The following PFDN2 variants were observed in gnomAD, a reference collection of about 807,000 sequenced individuals.
PFDN2 encodes the protein prefoldin subunit 2.
A neutral mutation model predicts 18.3 loss-of-function variants in PFDN2; 7 were observed. That is an observed-to-expected ratio of 0.38 (90% CI 0.22 to 0.72). The LOEUF (loss-of-function observed/expected upper bound fraction) is 0.72, where lower values mean the gene tolerates loss of function less well. PFDN2 is among the 30% of genes least tolerant of loss of function. The pLI, the probability that PFDN2 is intolerant of heterozygous loss-of-function variation, is 0.47. For missense variants in PFDN2, 181 were observed against 199.1 expected (o/e 0.91, Z 0.55); for synonymous variants, 76 against 75.0 (o/e 1.01, Z -0.07).
intron 1 of PFDN2, among the ~76,000 whole-genome samples, chr1:161,107,894 A>T (rs1654716445): frequency 6.6e-6 from 1 of 151,362 alleles, no homozygotes; most frequent in Admixed American, 6.6e-5. Flanking sequence ...CGGGCGGATC[A>T]CCTGAGGTCA....
At chr1:161,104,447 C>CTTT (rs550881339) in intron 1 of PFDN2, among the ~76,000 whole-genome samples, 1 of 137,796 alleles carries the variant, frequency 7.3e-6, no homozygotes. Flanking sequence ...TTTTCTTTTT[C>CTTT]TTTTTTTTTT....
intron 1 of PFDN2, among the ~76,000 whole-genome samples, chr1:161,117,561 C>T (rs1267518196): frequency 6.6e-6 from 1 of 152,154 alleles, no homozygotes; most frequent in Non-Finnish European, 1.5e-5. Flanking sequence ...TTCAGGATCA[C>T]GTAACAGACT....
chr1:161,116,445 C>G (rs1013445096), intron 1 of PFDN2, among the ~76,000 whole-genome samples: 3 of 150,222 alleles, frequency 2.0e-5, no homozygotes, highest in Non-Finnish European at 4.4e-5. Context: ...ACCTGGGAGG[C>G]AGAGGTTGCA....
chr1:161,115,969 T>C (rs1450054382), intron 1 of PFDN2, among the ~76,000 whole-genome samples: 4 of 152,134 alleles, frequency 2.6e-5, no homozygotes, highest in Non-Finnish European at 5.9e-5. Context: ...ACACCTGCAA[T>C]CCCAACACTT....
chr1:161,110,732 A>C (rs2101705175), intron 1 of PFDN2, among the ~76,000 whole-genome samples: 1 of 152,166 alleles, frequency 6.6e-6, no homozygotes, highest in South Asian at 2.1e-4. Context: ...CCCTTTTCTG[A>C]AGAACATACT....
In PFDN2 at chr1:161,100,847, T is replaced by C; in HGVS notation, c.301A>G (p.Ile101Val). 6.2e-7 allele frequency: 1 copy of C among 1,612,980 alleles called. No homozygotes were observed. The highest frequency in any genetic ancestry group is 8.5e-7 in the Non-Finnish European group (1 of 1,178,978). Residue 101 changes from isoleucine (I) to valine (V), a missense_variant, in exon 4 of 4, where the codon ATT becomes GTT. Coordinates refer to ENST00000368010, the MANE Select transcript of PFDN2 (RefSeq NM_012394.4). ...TGAAGCTGCTGTGTCAGTGTCTCAA[T>C]GATCTTCTGTATCTAGAGGACAAGT... ...ENNKEQIQKI[I>V]ETLTQQLQAK...
chr1:161,108,178 T>C (rs1039922532), intron 1 of PFDN2, among the ~76,000 whole-genome samples: 1 of 129,380 alleles, frequency 7.7e-6, no homozygotes, highest in South Asian at 2.5e-4. Flanking sequence ...CAAGGCTGGG[T>C]GTGGTGGCTC....
chr1:161,116,761 A>ATTC (rs1654943603), intron 1 of PFDN2, among the ~76,000 whole-genome samples: 1 of 152,178 alleles, frequency 6.6e-6, no homozygotes, highest in Admixed American at 6.5e-5. Context: ...GCTACTCGGG[A>ATTC]GGCTAAGGCA....
In PFDN2 at chr1:161,117,973, C is replaced by G. The variant is rs1341343237; in HGVS notation, c.54G>C (p.Lys18Asn). The G allele has an allele frequency of 6.2e-7, 1 of 1,612,830 alleles. No homozygotes were observed. Among genetic ancestry groups the G allele is most frequent in the South Asian group, 1.1e-5 (1 of 90,930 alleles). Residue 18 changes from lysine to asparagine, a missense_variant, in exon 1 of 4, where the codon AAG (lysine) becomes AAC (asparagine). Coordinates refer to ENST00000368010, the MANE Select transcript of PFDN2 (RefSeq NM_012394.4). ...TCACCTGCTCTGCGGACACCGCCCCCTTCCCCGCGCCGCTCCCGCTGCTCT... is the reference window on the plus strand; with the variant it reads ...TCACCTGCTCTGCGGACACCGCCCCGTTCCCCGCGCCGCTCCCGCTGCTCT... Reference protein sequence around the residue: ...AGKSSGSGAGKGAVSAEQVIA... With the variant: ...AGKSSGSGAGNGAVSAEQVIA...
At chr1:161,109,156 A>G (rs895935012) in intron 1 of PFDN2, among the ~76,000 whole-genome samples, 1 of 152,176 alleles carries the variant, frequency 6.6e-6, no homozygotes, top group African/African-American at 2.4e-5. Context: ...TCAGTGTCCT[A>G]AGTCACTGGT....
At chr1:161,116,253 T>C (rs1339594800) in intron 1 of PFDN2, among the ~76,000 whole-genome samples, 1 of 151,614 alleles carries the variant, frequency 6.6e-6, no homozygotes, top group Non-Finnish European at 1.5e-5. Context: ...CTGTGGCTCA[T>C]GCCTGTAATC....
At chr1:161,107,652 T>C (rs1427808740) in intron 1 of PFDN2, among the ~76,000 whole-genome samples, 1 of 145,196 alleles carries the variant, frequency 6.9e-6, no homozygotes, top group Non-Finnish European at 1.5e-5. Context: ...CCATCTCTAC[T>C]AAAAATACAA....
intron 1 of PFDN2, among the ~76,000 whole-genome samples, chr1:161,106,555 A>C (rs902533688): frequency 6.6e-6 from 1 of 152,188 alleles, no homozygotes; most frequent in African/African-American, 2.4e-5. Context: ...TGTCTGCTGT[A>C]AGCACAGATT....
chr1:161,101,402 T>C (rs1654557660), intron 3 of PFDN2, among the ~76,000 whole-genome samples: 2 of 151,868 alleles, frequency 1.3e-5, no homozygotes, highest in African/African-American at 4.8e-5. Context: ...GGTTTCACCA[T>C]GCTAGCCAGG....
chr1:161,103,068 G>A (rs1654604432), intron 1 of PFDN2, among the ~76,000 whole-genome samples: 1 of 151,936 alleles, frequency 6.6e-6, no homozygotes, highest in Admixed American at 6.6e-5. Flanking sequence ...ACTTTTGTTT[G>A]GGTCTGCTCA....
At chr1:161,104,512 T>C (rs1286820598) in intron 1 of PFDN2, among the ~76,000 whole-genome samples, 1 of 151,052 alleles carries the variant, frequency 6.6e-6, no homozygotes, top group Non-Finnish European at 1.5e-5. Context: ...GGCACAATCA[T>C]AGCTCACTGC....
At chr1:161,116,938 A>G (rs1315279869) in intron 1 of PFDN2, among the ~76,000 whole-genome samples, 1 of 152,218 alleles carries the variant, frequency 6.6e-6, no homozygotes, top group Non-Finnish European at 1.5e-5. Flanking sequence ...TGAACCTATA[A>G]TTAAGACAGC....
intron 3 of PFDN2, 51 bp from the exon 4 acceptor site, chr1:161,100,910 C>G (rs1654542801): frequency 7.2e-7 from 1 of 1,390,978 alleles, no homozygotes; most frequent in Admixed American, 1.7e-5. Context: ...CTCCTTTCCC[C>G]CACCTGGAAT....
chr1:161,107,965 A>G (rs1386794678), intron 1 of PFDN2, among the ~76,000 whole-genome samples: 1 of 150,676 alleles, frequency 6.6e-6, no homozygotes, highest in Non-Finnish European at 1.5e-5. Context: ...AATACAAAAA[A>G]TTAGCTGGAT....
Sources: gnomAD v4.1 joint callset for allele counts (sites outside exome capture counted in the v4.1 genomes callset) on GRCh38, gnomAD v4.1.1 for gene constraint, MANE v1.5 for transcripts, NCBI Gene and HGNC (gene_info 2026-07-23, HGNC 2026-07-21) for gene names.